ATAD2B: variants seen among roughly 807,000 people sequenced by gnomAD.
ATAD2B encodes ATPase family AAA domain-containing protein 2B.
Under a neutral mutation model 167.6 loss-of-function variants are expected in ATAD2B, and 40 were observed. The ratio of observed to expected loss-of-function variants is 0.24; its 90% CI spans 0.19 to 0.31. The LOEUF (loss-of-function observed/expected upper bound fraction) is 0.31. Ranked by LOEUF, ATAD2B falls within the 10% of genes least tolerant of loss-of-function variation. The pLI, the probability that ATAD2B is intolerant of heterozygous loss-of-function variation, is 1.00. For missense variants in ATAD2B, 1,242 were observed against 1,757.2 expected (o/e 0.71, Z 5.24); for synonymous variants, 579 against 596.5 (o/e 0.97, Z 0.43).
chr2:23,725,970 A>T, the ATAD2B span, among the ~76,000 whole-genome samples: 3,633 of 152,270 alleles, frequency 0.024, 54 homozygotes, highest in Non-Finnish European at 0.03. Context: ...AATTCCTTAA[A>T]AAAATAAAAT....
At chr2:23,915,171 A>G (rs1702858325) in intron 1 of ATAD2B, among the ~76,000 whole-genome samples, 2 of 152,188 alleles carry the variant, frequency 1.3e-5, no homozygotes, top group Non-Finnish European at 2.9e-5. Context: ...GGATGAAAAT[A>G]TAATGTTAAG....
the ATAD2B span, among the ~76,000 whole-genome samples, chr2:23,710,992 C>T: frequency 1.3e-5 from 2 of 152,118 alleles, no homozygotes; most frequent in Non-Finnish European, 2.9e-5. Context: ...GCACTGGCTG[C>T]GTGAAGCCTT....
intron 1 of ATAD2B, among the ~76,000 whole-genome samples, chr2:23,902,558 C>G (rs1389951645): frequency 6.6e-6 from 1 of 152,096 alleles, no homozygotes; most frequent in East Asian, 1.9e-4. Flanking sequence ...ATAACCTAAC[C>G]CTTTGAGAGA....
chr2:23,682,917 G>A, the ATAD2B span, among the ~76,000 whole-genome samples: 18 of 152,148 alleles, frequency 1.2e-4, no homozygotes, highest in Admixed American at 4.6e-4. This position sits in a 1 kb window ranked among gnomAD's most constrained non-coding sequence, Gnocchi z 4.1. Context: ...CAGAGGGCAG[G>A]GCCCCCAACC....
rs1172962593 is a variant in ATAD2B, at chr2:23,877,871, GA to G, written c.902-1968del. ...AGACTATCTCAAAAAAAAAGAAAAA[GA>G]AAAAAAGAACCCAACTTTACAAAAA... On this transcript the variant is annotated intron_variant, in intron 7 of 27. Coordinates refer to ENST00000238789, the MANE Select transcript of ATAD2B (RefSeq NM_017552.4). Among the ~76,000 whole-genome samples the G allele has an allele frequency of 5.8e-4, 86 of 148,886 alleles. 1 individual carries two copies. The highest frequency in any genetic ancestry group is 1.3e-3 in the African/African-American group (52 of 40,486).
At chr2:23,908,282 A>G (rs1355778792) in intron 1 of ATAD2B, among the ~76,000 whole-genome samples, 1 of 152,184 alleles carries the variant, frequency 6.6e-6, no homozygotes, top group Admixed American at 6.5e-5. Flanking sequence ...ATGAACTCAA[A>G]CAAATTTACA....
intron 2 of ATAD2B, among the ~76,000 whole-genome samples, chr2:23,892,938 C>T (rs1383148374): frequency 1.3e-5 from 2 of 152,160 alleles, no homozygotes; most frequent in Non-Finnish European, 2.9e-5. Context: ...TAAGCTACAA[C>T]ATCTATCTAT....
the ATAD2B span, among the ~76,000 whole-genome samples, chr2:23,714,976 T>C: frequency 4.6e-5 from 7 of 152,188 alleles, no homozygotes; most frequent in African/African-American, 1.7e-4. Flanking sequence ...GAATCATCTG[T>C]CCAGAAGACT....
chr2:23,883,609 C>T, intron 6 of ATAD2B: 1 of 1,297,374 alleles, frequency 7.7e-7, no homozygotes, highest in Non-Finnish European at 1.0e-6. Context: ...CTGATTTTCT[C>T]CAAAGGAAGC....
At chr2:23,889,917 T>TA (rs1272681738) in intron 2 of ATAD2B, among the ~76,000 whole-genome samples, 5 of 150,386 alleles carry the variant, frequency 3.3e-5, no homozygotes, top group African/African-American at 1.2e-4. Flanking sequence ...AGGCTCCATC[T>TA]AAAAAACAAA....
At chr2:23,799,802 A>G (rs1683201739) in intron 18 of ATAD2B, 1 of 152,076 alleles carries the variant, frequency 6.6e-6, no homozygotes, top group African/African-American at 2.4e-5. Context: ...ATTGGAAAAA[A>G]TGTAGATGTT....
At chr2:23,872,469 C>A in intron 8 of ATAD2B, 1 of 738,698 alleles carries the variant, frequency 1.4e-6, no homozygotes, top group South Asian at 1.4e-5. Flanking sequence ...CAATCAGCAC[C>A]CATTTCCCCT....
intron 23 of ATAD2B, among the ~76,000 whole-genome samples, 166 bp from the exon 24 acceptor site, chr2:23,762,512 G>A (rs1315840476): frequency 1.3e-5 from 2 of 152,146 alleles, no homozygotes; most frequent in East Asian, 3.8e-4. Context: ...AGATGGGTAA[G>A]AAACTTAGAT....
At chr2:23,761,072 A>G (rs1396650065) in intron 24 of ATAD2B, among the ~76,000 whole-genome samples, 11 of 152,244 alleles carry the variant, frequency 7.2e-5, no homozygotes, top group Non-Finnish European at 1.2e-4. Context: ...TCATTCATAA[A>G]TATTTGTAGC....
At chr2:23,884,515 T>C (rs1573243804) in intron 6 of ATAD2B, among the ~76,000 whole-genome samples, 1 of 152,158 alleles carries the variant, frequency 6.6e-6, no homozygotes, top group Admixed American at 6.5e-5. Flanking sequence ...ACCAGATCAC[T>C]GAAGGACTAC....
chr2:23,722,472 A>C, the ATAD2B span, among the ~76,000 whole-genome samples: 1 of 152,234 alleles, frequency 6.6e-6, no homozygotes, highest in Non-Finnish European at 1.5e-5. Flanking sequence ...GAGCTTTAAC[A>C]ACAAACCAGA....
At chr2:23,681,938 G>A in the ATAD2B span, among the ~76,000 whole-genome samples, 2 of 152,110 alleles carry the variant, frequency 1.3e-5, no homozygotes, top group Non-Finnish European at 2.9e-5. This position sits in a 1 kb window ranked among gnomAD's most constrained non-coding sequence, Gnocchi z 4.2. Flanking sequence ...TGGGCTGTGC[G>A]CAGGCGCCGC....
chr2:23,924,703 T>C (rs992993049), intron 1 of ATAD2B, among the ~76,000 whole-genome samples: 1 of 152,206 alleles, frequency 6.6e-6, no homozygotes, highest in Non-Finnish European at 1.5e-5. Context: ...TTATGGTGCT[T>C]TAAAACATTT....
At chr2:23,875,633 T>C (rs1192996395) in intron 8 of ATAD2B, among the ~76,000 whole-genome samples, 196 bp downstream of exon 8, 1 of 152,188 alleles carries the variant, frequency 6.6e-6, no homozygotes, top group Non-Finnish European at 1.5e-5. Context: ...TAGATTCAAC[T>C]CTGCTAAGAG....
Sources: gnomAD v4.1 joint callset for allele counts (sites outside exome capture counted in the v4.1 genomes callset) on GRCh38, gnomAD v4.1.1 for gene constraint, Gnocchi (gnomAD v3.1) non-coding constraint, MANE v1.5 for transcripts, NCBI Gene and HGNC (gene_info 2026-07-23, HGNC 2026-07-21) for gene names.